RNF151: variants seen among roughly 807,000 people sequenced by gnomAD.
RNF151 encodes the protein ring finger protein 151.
RNF151 carries 9 observed loss-of-function variants against 11.1 expected under a neutral mutation model. That is an observed-to-expected ratio of 0.81 (90% CI 0.49 to 1.42). The LOEUF (loss-of-function observed/expected upper bound fraction) is 1.42, where lower values mean the gene tolerates loss of function less well. RNF151 is among the 40% of genes most tolerant of loss of function. RNF151 has a pLI of 0.00. For missense variants in RNF151, 372 were observed against 342.9 expected (o/e 1.08, Z -0.67); for synonymous variants, 172 against 140.7 (o/e 1.22, Z -1.58).
Position 1,968,465 on chromosome 16 carries a change from C to T in RNF151, c.278C>T (p.Thr93Ile). 1.3e-6 allele frequency: 2 copies of T among 1,576,956 alleles called. No individual in the cohort carries two copies. The highest frequency in any genetic ancestry group is 1.7e-6 in the Non-Finnish European group (2 of 1,157,298). The change falls in exon 4 of 4, where the codon ACA becomes ATA. Residue 93 changes from threonine (T) to isoleucine (I), a missense_variant. Transcript: ENST00000569714. Reference sequence around the variant, plus strand: ...AACGCCGACGCTGGCTGCATAGTGACATGCCCCCTGGCCCATCGCAAGGGG... The same window carrying T: ...AACGCCGACGCTGGCTGCATAGTGATATGCCCCCTGGCCCATCGCAAGGGG... Reference protein sequence around the residue: ...CKNADAGCIVTCPLAHRKGHQ... With the variant: ...CKNADAGCIVICPLAHRKGHQ...
chr16:1,968,865 A>G lies in RNF151; in HGVS notation c.678A>G (p.Pro226=), dbSNP rs1212157436. The G allele has an allele frequency of 6.3e-7, 1 of 1,599,700 alleles. No individual in the cohort carries two copies. Among genetic ancestry groups the G allele is most frequent in the Admixed American group, 1.7e-5 (1 of 58,140 alleles). ...CACAGGAGGAGGCCGAGGCTGCCCCAGAAGGCAACGTTGGGGCTGAGGTGG... is the reference window on the plus strand; with the variant it reads ...CACAGGAGGAGGCCGAGGCTGCCCCGGAAGGCAACGTTGGGGCTGAGGTGG... ...GAPQEEAEAA[P]EGNVGAEVVG... The change falls in exon 4 of 4, where the codon CCA becomes CCG. Residue 226 remains proline (P), a synonymous_variant. Transcript: ENST00000569714.
Position 1,968,627 on chromosome 16 carries a change from G to A in RNF151, c.440G>A (p.Gly147Glu). 5.7e-6 allele frequency: 9 copies of A among 1,569,486 alleles called. 1 individual carries two copies. The highest frequency in any genetic ancestry group is 1.2e-5 in the South Asian group (1 of 85,832). Residue 147 changes from glycine to glutamate, a missense_variant, in exon 4 of 4, where the codon GGG becomes GAG. Coordinates refer to ENST00000569714, the MANE Select transcript of RNF151 (RefSeq NM_174903.6). ...CAGCAGCGCTGCCCCCTGGGCTGCG[G>A]GGCCACCCTGGACCCGGCCGAGCGT... The part of the protein sequence containing the change: ...GSQQRCPLGC[G>E]ATLDPAERAR...
intron 3 of RNF151, chr16:1,968,022 C>G: frequency 1.4e-6 from 1 of 703,814 alleles, no homozygotes; most frequent in Non-Finnish European, 2.6e-6. Flanking sequence ...CTAACTTTTC[C>G]AAGCCCCTGG....
Position 1,968,821 on chromosome 16 carries a change from G to T in RNF151, c.634G>T (p.Ala212Ser), listed in dbSNP as rs532140313. The T allele has an allele frequency of 6.3e-7, 1 of 1,593,266 alleles. No homozygotes were observed. The highest frequency in any genetic ancestry group is 8.5e-7 in the Non-Finnish European group (1 of 1,170,678). ...ELSNFLEEDTALLEGAPQEEA... is the reference protein window; with the variant it reads ...ELSNFLEEDTSLLEGAPQEEA... ...CAGCAACTTCCTGGAGGAAGACACC[G>T]CTCTGCTGGAGGGTGCCCCACAGGA... The change falls in exon 4 of 4, where the codon GCT becomes TCT. Residue 212 changes from alanine to serine, a missense_variant. Physicochemically the swap from Ala to Ser is moderately conservative, Grantham distance 99 (BLOSUM62 1). Transcript: ENST00000569714.
rs149843183 is a variant in RNF151 at position 1,968,292 on chromosome 16, A to G, written c.247-142A>G. 1,533 of 1,058,100 alleles carry G rather than the reference A, an allele frequency of 1.4e-3. 11 individuals carry two copies. In the African/African-American group the frequency reaches 0.023, roughly 16 times the overall value. The allele number at this position is 1,058,100 out of a possible 1,614,324, so 65.5% of individuals were successfully genotyped here. On this transcript the variant is annotated intron_variant, in intron 3 of 3. Transcript: ENST00000569714. ...CTTCCCACGTCTAGGCATTTGCCCCAGTGTTCTCTCCACCAACTCACCAGA... is the reference window on the plus strand; with the variant it reads ...CTTCCCACGTCTAGGCATTTGCCCCGGTGTTCTCTCCACCAACTCACCAGA...
chr16:1,968,642 C>G lies in RNF151; in HGVS notation c.455C>G (p.Pro152Arg), dbSNP rs762197115. ...CPLGCGATLD[P>R]AERARHNCYR... ...CTGGGCTGCGGGGCCACCCTGGACC[C>G]GGCCGAGCGTGCTCGCCACAACTGC... Residue 152 changes from proline to arginine, a missense_variant, in exon 4 of 4, where the codon CCG becomes CGG. Pro to Arg is a moderately radical substitution (Grantham distance 103, BLOSUM62 -2). Transcript: ENST00000569714. 1.3e-6 allele frequency: 2 copies of G among 1,566,744 alleles called. No individual in the cohort carries two copies. The highest frequency in any genetic ancestry group is 1.9e-5 in the Admixed American group (1 of 53,418).
At position 1,967,287 on chromosome 16, in the gene RNF151, A is replaced by C. The variant is rs2083319270; in HGVS notation, c.17A>C (p.Asp6Ala). The change falls in exon 2 of 4, where the codon GAT becomes GCT. Residue 6 changes from aspartate to alanine, a missense_variant. Coordinates refer to ENST00000569714, the MANE Select transcript of RNF151 (RefSeq NM_174903.6). MGGGY[D>A]LNLFASPPDS... ...TGGCCTTTGCAGGGTGGCGGGTATG[A>C]TCTCAACCTCTTCGCCAGCCCTCCT... 4 of 1,613,210 alleles carry C rather than the reference A, an allele frequency of 2.5e-6. No individual in the cohort carries two copies. The highest frequency in any genetic ancestry group is 3.4e-6 in the Non-Finnish European group (4 of 1,179,770).
At chr16:1,967,015 A>G in intron 1 of RNF151, 131 bp downstream of exon 1, 1 of 1,169,166 alleles carries the variant, frequency 8.6e-7, no homozygotes, top group Admixed American at 2.4e-5. Flanking sequence ...CCCATATGGT[A>G]CAAGGAAACC....
In RNF151 at chr16:1,968,901, C is replaced by A; in HGVS notation, c.714C>A (p.Pro238=). The stretch of plus-strand genomic sequence containing the variant: ...TTGGGGCTGAGGTGGTGGGGGAGCC[C>A]AGGGCCAACATACCTTGTAAATAGG... ...GNVGAEVVGE[P]RANIPCK is the part of the protein sequence containing the mutation. The change falls in exon 4 of 4, where the codon CCC becomes CCA. Residue 238 remains proline (P), a synonymous_variant. Coordinates refer to ENST00000569714, the MANE Select transcript of RNF151 (RefSeq NM_174903.6). 1 of 1,597,980 alleles carries A rather than the reference C, an allele frequency of 6.3e-7. No homozygotes were observed. The highest frequency in any genetic ancestry group is 8.5e-7 in the Non-Finnish European group (1 of 1,173,048).
intron 3 of RNF151, 40 bp downstream of exon 3, chr16:1,967,861 T>C: frequency 6.9e-7 from 1 of 1,439,528 alleles, no homozygotes; most frequent in Non-Finnish European, 9.6e-7. Context: ...TCAACCCTTC[T>C]CACCCTTGTA....
intron 3 of RNF151, 105 bp downstream of exon 3, chr16:1,967,926 C>G (rs1446939501): frequency 1.2e-6 from 1 of 831,514 alleles, no homozygotes; most frequent in Non-Finnish European, 2.0e-6. Context: ...CAGAGAGAAA[C>G]AAGTGCAGCC....
rs1164879915 is a variant in RNF151 at position 1,967,376 on chromosome 16, A to G, written c.106A>G (p.Ser36Gly). ...VLKRPARLPCSHIFCKKCILR... is the reference protein window; with the variant it reads ...VLKRPARLPCGHIFCKKCILR... ...CAAGAGGCCAGCAAGGTTGCCATGC[A>G]GCCACATCTTCTGCAAAAAGTGCAT... Residue 36 changes from serine to glycine, a missense_variant, in exon 2 of 4, where the codon AGC (serine) becomes GGC (glycine). Coordinates refer to ENST00000569714, the MANE Select transcript of RNF151 (RefSeq NM_174903.6). The G allele has an allele frequency of 6.2e-7, 1 of 1,613,776 alleles. No homozygotes were observed. The highest frequency in any genetic ancestry group is 1.1e-5 in the South Asian group (1 of 91,082).
In RNF151 at chr16:1,967,384, C is replaced by A; in HGVS notation, c.114C>A (p.Ile38=). 2 of 1,613,608 alleles carry A rather than the reference C, an allele frequency of 1.2e-6. No homozygotes were observed. The highest frequency in any genetic ancestry group is 1.7e-6 in the Non-Finnish European group (2 of 1,179,810). The change falls in exon 2 of 4, where the codon ATC becomes ATA. Residue 38 remains isoleucine, a synonymous_variant. Transcript: ENST00000569714. ...CAGCAAGGTTGCCATGCAGCCACATCTTCTGCAAAAAGTGCATCCTCCGGT... is the reference window on the plus strand; with the variant it reads ...CAGCAAGGTTGCCATGCAGCCACATATTCTGCAAAAAGTGCATCCTCCGGT... ...KRPARLPCSH[I]FCKKCILRWL...
Position 1,968,505 on chromosome 16 carries a change from C to G in RNF151, c.318C>G (p.Cys106Trp), listed in dbSNP as rs1208642513. ...ATCGCAAGGGGCACCAGGACTCATG[C>G]CCCTTTGAGCTAACGGCCTGCCCCA... ...LAHRKGHQDSCPFELTACPNE... is the reference protein window; with the variant it reads ...LAHRKGHQDSWPFELTACPNE... The change falls in exon 4 of 4, where the codon TGC becomes TGG. Residue 106 changes from cysteine to tryptophan, a missense_variant. By Grantham distance (215) the Cys-to-Trp change is radical. Coordinates refer to ENST00000569714, the MANE Select transcript of RNF151 (RefSeq NM_174903.6). 1 of 1,606,376 alleles carries G rather than the reference C, an allele frequency of 6.2e-7. No individual in the cohort carries two copies. The highest frequency in any genetic ancestry group is 1.3e-5 in the African/African-American group (1 of 74,824).
At position 1,968,757 on chromosome 16, in the gene RNF151, C is replaced by A; in HGVS notation, c.570C>A (p.Asp190Glu). 6.3e-7 allele frequency: 1 copy of A among 1,582,616 alleles called. No homozygotes were observed. Among genetic ancestry groups the A allele is most frequent in the Non-Finnish European group, 8.6e-7 (1 of 1,165,362 alleles). ...TCCTGCGGCGTGTGCGCTGGCTGGA[C>A]CAAGCCACCAGTGTCGTTCGTAGAG... is the stretch of plus-strand genomic sequence containing the variant. The part of the protein sequence containing the change: ...LSLLRRVRWL[D>E]QATSVVRREL... Residue 190 changes from aspartate (D) to glutamate (E), a missense_variant, in exon 4 of 4, where the codon GAC (aspartate) becomes GAA (glutamate). Physicochemically the swap from Asp to Glu is conservative, Grantham distance 45 (BLOSUM62 2). Transcript: ENST00000569714.
rs764220053 is a variant in RNF151, at chr16:1,967,420, G to C, written c.149+1G>C. 6.8e-6 allele frequency: 11 copies of C among 1,612,378 alleles called. No homozygotes were observed. The highest frequency in any genetic ancestry group is 9.3e-6 in the Non-Finnish European group (11 of 1,179,230). The stretch of plus-strand genomic sequence containing the variant: ...AGTGCATCCTCCGGTGGCTAGCCAG[G>C]TGCCAGCGGGTACCCAAGGGGCTGG... On this transcript the variant is annotated splice_donor_variant, in intron 2 of 3. Transcript: ENST00000569714. LOFTEE classifies it high-confidence loss of function.
At chr16:1,968,302 C>T (rs1293144494) in intron 3 of RNF151, 132 bp from the exon 4 acceptor site, 5 of 1,188,492 alleles carry the variant, frequency 4.2e-6, no homozygotes, top group Non-Finnish European at 5.7e-6. Context: ...AGTGTTCTCT[C>T]CACCAACTCA....
chr16:1,967,112 A>G (rs887972874), intron 1 of RNF151, 162 bp from the exon 2 acceptor site: 1 of 532,128 alleles, frequency 1.9e-6, no homozygotes, highest in Non-Finnish European at 2.4e-6. Context: ...GGGGGCCCTA[A>G]CCCCCACAGC....
At chr16:1,968,030 T>TG (rs1401367628) in intron 3 of RNF151, 23 of 701,556 alleles carry the variant, frequency 3.3e-5, no homozygotes, top group Non-Finnish European at 5.5e-5. Flanking sequence ...TCCAAGCCCC[T>TG]GGGTTAGAAA....
Sources: gnomAD v4.1 joint callset for allele counts on GRCh38, gnomAD v4.1.1 for gene constraint, MANE v1.5 for transcripts, NCBI Gene and HGNC (gene_info 2026-07-23, HGNC 2026-07-21) for gene names.